Variants in CCBE1 observed in about 807,000 individuals in gnomAD.
CCBE1 encodes the protein collagen and calcium-binding EGF domain-containing protein 1.
CCBE1 carries 37 observed loss-of-function variants against 50.0 expected under a neutral mutation model. The observed-to-expected ratio is 0.74, with a 90% CI of 0.57 to 0.97. The LOEUF is 0.97. Among genes scored for constraint, CCBE1 ranks in the 50% least tolerant of loss-of-function variants. CCBE1 has a pLI of 0.00. For missense variants in CCBE1, 538 were observed against 523.8 expected (o/e 1.03, Z -0.26); for synonymous variants, 234 against 203.7 (o/e 1.15, Z -1.27).
At chr18:59,440,297 G>A (rs1336868195) in intron 7 of CCBE1, among the ~76,000 whole-genome samples, 4 of 152,148 alleles carry the variant, frequency 2.6e-5, no homozygotes, top group African/African-American at 9.7e-5. Context: ...CTGAGCTTTA[G>A]TTTCTCATCT....
chr18:59,653,289 G>C (rs570087495), intron 2 of CCBE1, among the ~76,000 whole-genome samples: 1 of 152,264 alleles, frequency 6.6e-6, no homozygotes, highest in South Asian at 2.1e-4. Flanking sequence ...AATGACTCTT[G>C]AACATGGCTG....
At chr18:59,687,991 T>C (rs2054679980) in intron 2 of CCBE1, among the ~76,000 whole-genome samples, 1 of 152,162 alleles carries the variant, frequency 6.6e-6, no homozygotes, top group Non-Finnish European at 1.5e-5. Flanking sequence ...ATCACTGATA[T>C]ATTCTGCATA....
At chr18:59,674,878 G>A (rs183856466) in intron 2 of CCBE1, among the ~76,000 whole-genome samples, 264 of 152,162 alleles carry the variant, frequency 1.7e-3, no homozygotes, top group Admixed American at 3.0e-3. Context: ...TTTTCTACAG[G>A]AATTTAATAA....
intron 2 of CCBE1, chr18:59,568,123 G>A (rs1433149709): frequency 1.3e-5 from 2 of 151,668 alleles, no homozygotes; most frequent in African/African-American, 4.9e-5. Context: ...AAACCTGAAT[G>A]TCTCCAAGTC....
At chr18:59,597,561 A>AAGT (rs74536172) in intron 2 of CCBE1, among the ~76,000 whole-genome samples, 59,688 of 151,462 alleles carry the variant, frequency 0.39, 11,952 homozygotes, top group East Asian at 0.61. Context: ...ACTACAAAAA[A>AAGT]AGTAGTAGTA....
chr18:59,568,761 G>A (rs770922500), intron 2 of CCBE1: 2 of 152,244 alleles, frequency 1.3e-5, no homozygotes, highest in Non-Finnish European at 2.9e-5. Context: ...ATTGAGCCAA[G>A]GTGAGCCCTG....
chr18:59,491,906 G>A (rs2143808834), intron 2 of CCBE1, among the ~76,000 whole-genome samples: 1 of 151,984 alleles, frequency 6.6e-6, no homozygotes, highest in East Asian at 1.9e-4. Flanking sequence ...GGCACTTTGG[G>A]AGGCCGAGGC....
chr18:59,611,552 C>G (rs1248108902), intron 2 of CCBE1, among the ~76,000 whole-genome samples: 1 of 152,154 alleles, frequency 6.6e-6, no homozygotes, highest in Non-Finnish European at 1.5e-5. Context: ...TGAGATCAGC[C>G]TGGCCAACAT....
At chr18:59,656,811 G>A (rs546837691) in intron 2 of CCBE1, among the ~76,000 whole-genome samples, 24 of 152,272 alleles carry the variant, frequency 1.6e-4, no homozygotes, top group African/African-American at 5.1e-4. Context: ...GACCACAACC[G>A]TTGGTTACAG....
In CCBE1 at chr18:59,434,436, G is replaced by A. The variant is rs1252575130; in HGVS notation, c.*1472C>T. 3.9e-5 allele frequency: 6 copies of A among 152,132 alleles called. No individual in the cohort carries two copies. The highest frequency in any genetic ancestry group is 8.8e-5 in the Non-Finnish European group (6 of 68,030). The allele number at this position is 152,132 out of a possible 1,614,324, so 9.4% of individuals were successfully genotyped here. On this transcript the variant is annotated 3_prime_UTR_variant, in exon 11 of 11. Transcript: ENST00000439986. The stretch of plus-strand genomic sequence containing the variant: ...GTGAGTAACCTATAAGCTGCTCATT[G>A]GAAACAAGAGGGCCCTCAACAACGT...
At chr18:59,519,073 C>G (rs1211190970) in intron 2 of CCBE1, among the ~76,000 whole-genome samples, 1 of 152,172 alleles carries the variant, frequency 6.6e-6, no homozygotes, top group East Asian at 1.9e-4. Flanking sequence ...ACTTCATGAA[C>G]TTAAGTCGTT....
intron 3 of CCBE1, among the ~76,000 whole-genome samples, chr18:59,477,946 A>T (rs1912390129): frequency 6.6e-6 from 1 of 152,198 alleles, no homozygotes; most frequent in Non-Finnish European, 1.5e-5. Context: ...GTCAAACATT[A>T]TTCTACGTGC....
intron 2 of CCBE1, among the ~76,000 whole-genome samples, chr18:59,508,711 C>CTTTTTTTTTTTTTTTTTTTTTTTTTTTT (rs55881131): frequency 2.1e-5 from 2 of 95,692 alleles, no homozygotes; most frequent in African/African-American, 4.5e-5. Context: ...TAGAGTTACG[C>CTTTTTTTTTTTTTTTTTTTTTTTTTTTT]TTTTTTTTTT....
At chr18:59,612,654 A>G (rs777761945) in intron 2 of CCBE1, among the ~76,000 whole-genome samples, 3 of 152,182 alleles carry the variant, frequency 2.0e-5, no homozygotes, top group Non-Finnish European at 2.9e-5. Context: ...AGATCACACC[A>G]GCCAATAAGT....
At chr18:59,586,214 A>G (rs1014754932) in intron 2 of CCBE1, among the ~76,000 whole-genome samples, 4 of 152,248 alleles carry the variant, frequency 2.6e-5, no homozygotes, top group Admixed American at 1.3e-4. Flanking sequence ...TTTTTAAAAC[A>G]AAAGTCACAT....
At chr18:59,475,155 C>G (rs1912246525) in intron 3 of CCBE1, among the ~76,000 whole-genome samples, 1 of 152,134 alleles carries the variant, frequency 6.6e-6, no homozygotes, top group African/African-American at 2.4e-5. Context: ...TATTTTCTAT[C>G]CTCTCTGTCC....
chr18:59,691,745 C>T (rs1254355490), intron 2 of CCBE1, among the ~76,000 whole-genome samples: 1 of 152,198 alleles, frequency 6.6e-6, no homozygotes, highest in Non-Finnish European at 1.5e-5. Flanking sequence ...CCCTGAACTA[C>T]ATGCCCTGAA....
chr18:59,527,035 A>T (rs959476526), intron 2 of CCBE1, among the ~76,000 whole-genome samples: 2 of 152,218 alleles, frequency 1.3e-5, no homozygotes, highest in African/African-American at 4.8e-5. Context: ...CACTTGATCC[A>T]GAGCTGAGTT....
chr18:59,603,913 T>C (rs1419145011), intron 2 of CCBE1, among the ~76,000 whole-genome samples: 2 of 152,220 alleles, frequency 1.3e-5, no homozygotes, highest in East Asian at 1.9e-4. Flanking sequence ...AACCTCTCGA[T>C]GACTCTGTTT....
Sources: gnomAD v4.1 joint callset for allele counts (sites outside exome capture counted in the v4.1 genomes callset) on GRCh38, gnomAD v4.1.1 for gene constraint, MANE v1.5 for transcripts, NCBI Gene and HGNC (gene_info 2026-07-23, HGNC 2026-07-21) for gene names.